COX7A2L: variants seen among roughly 807,000 people sequenced by gnomAD.
The protein encoded by COX7A2L is cytochrome c oxidase subunit 7A2-like, mitochondrial.
In COX7A2L, 18 loss-of-function variants were observed where a neutral mutation model predicts 14.2. The ratio of observed to expected loss-of-function variants is 1.27; its 90% CI spans 0.88 to 1.88. COX7A2L has a LOEUF of 1.88. Ranked by LOEUF, COX7A2L falls within the 40% of genes most tolerant of loss-of-function variation. The pLI is 0.00. For synonymous variants in COX7A2L, 65 were observed against 57.4 expected, an observed-to-expected ratio of 1.13 and a Z score of -0.60; for missense variants, 179 against 138.8, an observed-to-expected ratio of 1.29 and a Z score of -1.46.
upstream of COX7A2L, among the ~76,000 whole-genome samples, chr2:42,362,390 G>A (rs572744688): frequency 9.8e-5 from 15 of 152,292 alleles, no homozygotes; most frequent in African/African-American, 2.4e-4. Context: ...ATTGATGGAT[G>A]ATACTAACCT....
chr2:42,339,494 G>A lies in COX7A2L; in HGVS notation c.193-5625C>T, dbSNP rs143488065. On this transcript the variant is annotated intron_variant, in intron 2 of 2. Transcript: ENST00000468711. This position sits in a 1 kb window ranked among gnomAD's most constrained non-coding sequence, Gnocchi z 5.4. ...GGTGGCTTGAGCTCCAGGCATGTGAGCGACACTGGCCGACAACCTCCTTGA... is the reference window on the plus strand; with the variant it reads ...GGTGGCTTGAGCTCCAGGCATGTGAACGACACTGGCCGACAACCTCCTTGA... 7.3e-4 allele frequency among the ~76,000 whole-genome samples: 111 copies of A among 152,280 alleles called. No individual in the cohort carries two copies. Among genetic ancestry groups the A allele is most frequent in the African/African-American group, 2.6e-3 (109 of 41,546 alleles).
chr2:42,356,594 T>C (rs914218039), intron 1 of COX7A2L, among the ~76,000 whole-genome samples: 1 of 152,114 alleles, frequency 6.6e-6, no homozygotes, highest in South Asian at 2.1e-4. Context: ...CATCCACAAT[T>C]CCCATAGCAA....
chr2:42,348,717 G>A (rs571148858), downstream of COX7A2L, among the ~76,000 whole-genome samples: 1 of 152,232 alleles, frequency 6.6e-6, no homozygotes, highest in East Asian at 1.9e-4. Context: ...AGAAAATCGA[G>A]ACCATCTTGG....
downstream of COX7A2L, among the ~76,000 whole-genome samples, chr2:42,348,816 G>T (rs1391354292): frequency 2.6e-5 from 4 of 152,082 alleles, no homozygotes; most frequent in Non-Finnish European, 5.9e-5. Context: ...TACTCGGGAG[G>T]CTGACTCAAA....
chr2:42,351,112 C>G lies in COX7A2L; in HGVS notation c.*107G>C. On this transcript the variant is annotated 3_prime_UTR_variant, in exon 3 of 3. Coordinates refer to ENST00000234301, the MANE Select transcript of COX7A2L (RefSeq NM_004718.4). ...TCTTCATATCTTCCTATTTTTCTTG[C>G]AAAAATGTTAAGCCATCCAAGTAAA... 1.6e-6 allele frequency: 2 copies of G among 1,250,252 alleles called. No homozygotes were observed. The highest frequency in any genetic ancestry group is 2.2e-6 in the Non-Finnish European group (2 of 927,408). 77.4% of individuals were successfully genotyped at this position (1,250,252 alleles called of 1,614,324 possible).
rs1452688635 is a variant in COX7A2L, at chr2:42,339,570, G to T, written c.193-5701C>A. On this transcript the variant is annotated intron_variant, in intron 2 of 2. Coordinates refer to the COX7A2L transcript ENST00000468711. This position sits in a 1 kb window ranked among gnomAD's most constrained non-coding sequence, Gnocchi z 5.4. ...CCTCCTGGTTTCTTTCTTCCCTTCT[G>T]CCCTTCCTCCCTCCCTTTATCCCTC... is the stretch of plus-strand genomic sequence containing the variant. Among the ~76,000 whole-genome samples, 2 of 152,014 alleles carry T rather than the reference G, an allele frequency of 1.3e-5. No homozygotes were observed. The highest frequency in any genetic ancestry group is 6.5e-5 in the Admixed American group (1 of 15,270).
At position 42,353,452 on chromosome 2, in the gene COX7A2L, T is replaced by C; in HGVS notation, c.73-109A>G. 5.6e-6 allele frequency: 8 copies of C among 1,435,024 alleles called. No homozygotes were observed. The South Asian group carries it at 8.8e-5, about 16-fold the overall frequency. 88.9% of individuals were successfully genotyped at this position (1,435,024 alleles called of 1,614,324 possible). On this transcript the variant is annotated intron_variant, in intron 1 of 2. Coordinates refer to ENST00000234301, the MANE Select transcript of COX7A2L (RefSeq NM_004718.4). ...GAGAGAGCAAGAAAGTCTCTCCAAC[T>C]TTCCCAGAGCAAACCCTGTCAAGAA... is the stretch of plus-strand genomic sequence containing the variant.
upstream of COX7A2L, chr2:42,361,288 G>A (rs1671043567): frequency 1.2e-6 from 1 of 841,926 alleles, no homozygotes; most frequent in Admixed American, 3.0e-5. Context: ...GCTGCCCGAA[G>A]ATCGCCTAAC....
chr2:42,360,365 T>A (rs1242376613), intron 1 of COX7A2L, among the ~76,000 whole-genome samples: 1 of 151,812 alleles, frequency 6.6e-6, no homozygotes, highest in African/African-American at 2.4e-5. Flanking sequence ...GTCACACAAT[T>A]AAAGCGGAAA....
chr2:42,354,493 A>G (rs1219950783), intron 1 of COX7A2L, among the ~76,000 whole-genome samples: 2 of 152,236 alleles, frequency 1.3e-5, no homozygotes, highest in Admixed American at 1.3e-4. Context: ...ACAGACAAAG[A>G]AGGAAACCTC....
At chr2:42,344,723 C>T (rs1034550455), downstream of COX7A2L, among the ~76,000 whole-genome samples, 4 of 152,076 alleles carry the variant, frequency 2.6e-5, no homozygotes, top group Admixed American at 1.3e-4. Flanking sequence ...TTGTGGCAAG[C>T]GCCTGTAGTC....
chr2:42,351,386 T>C (rs772857167), intron 2 of COX7A2L, 27 bp from the exon 3 acceptor site: 4 of 1,607,178 alleles, frequency 2.5e-6, no homozygotes, highest in African/African-American at 2.7e-5. Context: ...AACAAGGGCA[T>C]GGTTGAGAAG....
At chr2:42,346,122 G>A (rs946995144), downstream of COX7A2L, among the ~76,000 whole-genome samples, 3 of 152,152 alleles carry the variant, frequency 2.0e-5, no homozygotes, top group African/African-American at 7.2e-5. Flanking sequence ...GACTGGCCCA[G>A]TGGAGGACAC....
intron 2 of COX7A2L, among the ~76,000 whole-genome samples, chr2:42,352,720 A>G (rs1670686768): frequency 6.6e-6 from 1 of 152,148 alleles, no homozygotes; most frequent in African/African-American, 2.4e-5. Context: ...ATTCACTTTA[A>G]AAACATTTTC....
At position 42,339,437 on chromosome 2, in the gene COX7A2L, A is replaced by G. The variant is rs1046429768; in HGVS notation, c.193-5568T>C. Among the ~76,000 whole-genome samples, 2 of 152,174 alleles carry G rather than the reference A, an allele frequency of 1.3e-5. No individual in the cohort carries two copies. Among genetic ancestry groups the G allele is most frequent in the African/African-American group, 4.8e-5 (2 of 41,446 alleles). ...ACTGCGGGGCAGCCTCCAAGGCCACAGGCGTTACTCCTGCCTCTACAGAGC... is the reference window on the plus strand; with the variant it reads ...ACTGCGGGGCAGCCTCCAAGGCCACGGGCGTTACTCCTGCCTCTACAGAGC... On this transcript the variant is annotated intron_variant, in intron 2 of 2. Transcript: ENST00000468711. The surrounding 1 kb of genome is among the most constrained non-coding windows in gnomAD (Gnocchi z 5.4).
At chr2:42,343,290 G>A (rs979763377) in intron 2 of COX7A2L, among the ~76,000 whole-genome samples, 1 of 152,214 alleles carries the variant, frequency 6.6e-6, no homozygotes, top group Non-Finnish European at 1.5e-5. Flanking sequence ...CAATAACAAG[G>A]CCGTTTGCTA....
chr2:42,338,025 G>A lies in COX7A2L; in HGVS notation c.193-4156C>T, dbSNP rs932581635. 7.2e-5 allele frequency among the ~76,000 whole-genome samples: 11 copies of A among 152,142 alleles called. No homozygotes were observed. Among genetic ancestry groups the A allele is most frequent in the African/African-American group, 2.7e-4 (11 of 41,438 alleles). On this transcript the variant is annotated intron_variant, in intron 2 of 2. Transcript: ENST00000468711. This position sits in a 1 kb window ranked among gnomAD's most constrained non-coding sequence, Gnocchi z 4.4. ...CTAGGCGAGGGAGGGTGTCAGTCTGGGGTATGACTGTGAAGCTCAGCATCT... is the reference window on the plus strand; with the variant it reads ...CTAGGCGAGGGAGGGTGTCAGTCTGAGGTATGACTGTGAAGCTCAGCATCT...
intron 1 of COX7A2L, 25 bp from the exon 2 acceptor site, chr2:42,353,368 C>T: frequency 1.9e-6 from 3 of 1,611,664 alleles, no homozygotes; most frequent in Non-Finnish European, 2.5e-6. Flanking sequence ...AGGAAAATGG[C>T]AAGTTGAAAG....
downstream of COX7A2L, among the ~76,000 whole-genome samples, chr2:42,348,802 T>C (rs1474016680): frequency 6.6e-6 from 1 of 151,988 alleles, no homozygotes; most frequent in Non-Finnish European, 1.5e-5. Flanking sequence ...CCTGTAGTCC[T>C]AGTTACTCGG....
Sources: allele counts gnomAD v4.1 joint callset (sites outside exome capture counted in the v4.1 genomes callset), GRCh38; gene constraint gnomAD v4.1.1; non-coding constraint Gnocchi (gnomAD v3.1); transcripts MANE v1.5; gene names NCBI Gene and HGNC (gene_info 2026-07-23, HGNC 2026-07-21).